The following CFAP57 variants were observed in gnomAD, a reference collection of about 807,000 sequenced individuals.
CFAP57 encodes cilia and flagella associated protein 57, also known as cilia- and flagella-associated protein 57.
Under a neutral mutation model 146.8 loss-of-function variants are expected in CFAP57, and 116 were observed. The ratio of observed to expected loss-of-function variants is 0.79; its 90% CI spans 0.68 to 0.92. The LOEUF (loss-of-function observed/expected upper bound fraction) is 0.92. CFAP57 is among the 40% of genes least tolerant of loss of function. The probability of loss-of-function intolerance (pLI) is 0.00; values close to 1 mark genes in which losing one functional copy is unlikely to be tolerated. For synonymous variants in CFAP57, 518 were observed against 552.8 expected, an observed-to-expected ratio of 0.94 and a Z score of 0.88; for missense variants, 1,377 against 1,527.2, an observed-to-expected ratio of 0.90 and a Z score of 1.64.
chr1:43,220,984 A>G (rs970398657), intron 13 of CFAP57, among the ~76,000 whole-genome samples: 1 of 152,298 alleles, frequency 6.6e-6, no homozygotes, highest in East Asian at 1.9e-4. Flanking sequence ...TTTCCTGCTC[A>G]GTTAAAGAAA....
intron 3 of CFAP57, among the ~76,000 whole-genome samples, chr1:43,182,973 T>C (rs1645478243): frequency 6.6e-6 from 1 of 152,206 alleles, no homozygotes; most frequent in African/African-American, 2.4e-5. Flanking sequence ...GTAATACGCT[T>C]TCATGATGCA....
chr1:43,216,675 C>T (rs1644845733), intron 12 of CFAP57, among the ~76,000 whole-genome samples: 1 of 152,266 alleles, frequency 6.6e-6, no homozygotes, highest in Non-Finnish European at 1.5e-5. Context: ...ACTCTGTTCC[C>T]TGAAAACCTT....
chr1:43,209,030 G>A (rs774085338), intron 10 of CFAP57, among the ~76,000 whole-genome samples: 16 of 152,024 alleles, frequency 1.1e-4, no homozygotes, highest in East Asian at 3.9e-4. Flanking sequence ...TCTTATAACC[G>A]TTCTATTTTA....
Position 43,181,644 on chromosome 1 carries a change from T to G in CFAP57, c.268T>G (p.Ser90Ala), listed in dbSNP as rs1557728721. The change falls in exon 3 of 23, where the codon TCA (serine) becomes GCA (alanine). Residue 90 changes from serine (S) to alanine (A), a missense_variant. Coordinates refer to ENST00000372492, the MANE Select transcript of CFAP57 (RefSeq NM_001378189.1). ...ACCTGCCATCACCATTTATGAATTG[T>G]CATCCATCCCTTGCCGGAAGCGCAA... ...EKPAITIYEL[S>A]SIPCRKRKVL... 1 of 1,614,272 alleles carries G rather than the reference T, an allele frequency of 6.2e-7. No homozygotes were observed. The highest frequency in any genetic ancestry group is 8.5e-7 in the Non-Finnish European group (1 of 1,180,048).
intron 18 of CFAP57, chr1:43,232,079 T>C (rs1339695708): frequency 1.4e-6 from 1 of 701,712 alleles, no homozygotes; most frequent in African/African-American, 1.7e-5. Flanking sequence ...GACCCCATTC[T>C]AAAGTGGCCC....
chr1:43,225,161 C>T (rs1645198609), intron 17 of CFAP57, among the ~76,000 whole-genome samples: 1 of 152,184 alleles, frequency 6.6e-6, no homozygotes, highest in South Asian at 2.1e-4. Context: ...AAGGCCTCCT[C>T]ACCTAGAAAG....
intron 2 of CFAP57, among the ~76,000 whole-genome samples, chr1:43,178,221 G>A (rs1029431763): frequency 2.6e-5 from 4 of 152,196 alleles, no homozygotes; most frequent in African/African-American, 9.7e-5. Flanking sequence ...TCAGGATATA[G>A]GCATGGGCAA....
chr1:43,205,552 G>A (rs1380699943), intron 9 of CFAP57, among the ~76,000 whole-genome samples: 2 of 152,176 alleles, frequency 1.3e-5, no homozygotes, highest in Non-Finnish European at 2.9e-5. Flanking sequence ...TCATGGCTTG[G>A]AACTTTCACT....
At chr1:43,210,286 T>G in intron 11 of CFAP57, 1 of 1,442,310 alleles carries the variant, frequency 6.9e-7, no homozygotes, top group Non-Finnish European at 9.1e-7. Context: ...CCCTGAAGAT[T>G]GGCCCCTACC....
In CFAP57 at chr1:43,233,208, C is replaced by T. The variant is rs1473697581; in HGVS notation, c.3126+584C>T. Among the ~76,000 whole-genome samples the T allele has an allele frequency of 3.3e-5, 5 of 152,162 alleles. No homozygotes were observed. In the South Asian group the frequency reaches 6.2e-4, roughly 19 times the overall value. ...TTTGTTGAATAAGATTGGAACTTTCCGTCCAGGCACAGTGGCTCATGCCTG... is the reference window on the plus strand; with the variant it reads ...TTTGTTGAATAAGATTGGAACTTTCTGTCCAGGCACAGTGGCTCATGCCTG... On this transcript the variant is annotated intron_variant, in intron 19 of 22. Coordinates refer to ENST00000372492, the MANE Select transcript of CFAP57 (RefSeq NM_001378189.1).
intron 6 of CFAP57, among the ~76,000 whole-genome samples, chr1:43,192,762 T>TA: frequency 6.9e-6 from 1 of 145,558 alleles, no homozygotes; most frequent in Non-Finnish European, 1.5e-5. Context: ...CAGTCTCTAT[T>TA]AAAAATACAA....
Position 43,215,300 on chromosome 1 carries a change from G to A in CFAP57, c.1975G>A (p.Asp659Asn). The change falls in exon 12 of 23, where the codon GAT becomes AAT. Residue 659 changes from aspartate to asparagine, a missense_variant. Transcript: ENST00000372492. ...TCAGTTCCTGCTGACTGCTGCTGAG[G>A]ATGGCTGCCTGTTCACCTGGAAGGT... ...DDQFLLTAAE[D>N]GCLFTWKVFD... The A allele has an allele frequency of 6.4e-7, 1 of 1,551,306 alleles. No individual in the cohort carries two copies. Among genetic ancestry groups the A allele is most frequent in the South Asian group, 1.2e-5 (1 of 84,062 alleles).
chr1:43,231,140 T>C (rs1382433407), intron 18 of CFAP57, among the ~76,000 whole-genome samples: 1 of 152,242 alleles, frequency 6.6e-6, no homozygotes, highest in East Asian at 1.9e-4. Flanking sequence ...GAGTGCCACC[T>C]TTATGCCAGG....
At chr1:43,236,223 C>A (rs915524042) in intron 21 of CFAP57, among the ~76,000 whole-genome samples, 1 of 151,708 alleles carries the variant, frequency 6.6e-6, no homozygotes, top group Non-Finnish European at 1.5e-5. Context: ...GTAACTCCAG[C>A]AACTGCAGGG....
At chr1:43,177,399 G>A (rs1209147162) in intron 2 of CFAP57, among the ~76,000 whole-genome samples, 1 of 152,194 alleles carries the variant, frequency 6.6e-6, no homozygotes, top group African/African-American at 2.4e-5. Flanking sequence ...AAGGGCTAAA[G>A]AAGGAGCAGG....
rs776184035 is a variant in CFAP57, at chr1:43,172,741, T to C, written c.-13T>C. On this transcript the variant is annotated 5_prime_UTR_variant, in exon 2 of 23. Coordinates refer to ENST00000372492, the MANE Select transcript of CFAP57 (RefSeq NM_001378189.1). ...CTGCCTTGGTCTTCAGCAGAACTGTTTGGCGGGAGATCATGTCAGCCGTGG... is the reference window on the plus strand; with the variant it reads ...CTGCCTTGGTCTTCAGCAGAACTGTCTGGCGGGAGATCATGTCAGCCGTGG... 4 of 1,613,902 alleles carry C rather than the reference T, an allele frequency of 2.5e-6. No homozygotes were observed. Among genetic ancestry groups the C allele is most frequent in the Non-Finnish European group, 3.4e-6 (4 of 1,179,988 alleles).
rs1009229986 is a variant in CFAP57, at chr1:43,220,960, C to G, written c.2248-412C>G. 2.6e-5 allele frequency among the ~76,000 whole-genome samples: 4 copies of G among 152,152 alleles called. No homozygotes were observed. The South Asian group carries it at 6.2e-4, about 24-fold the overall frequency. ...TGGCACACCACCTCCAACTCGCCCC[C>G]CAAGCCTGAAAGCTTTCCTGCTCAG... is the stretch of plus-strand genomic sequence containing the variant. On this transcript the variant is annotated intron_variant, in intron 13 of 22. Transcript: ENST00000372492.
At chr1:43,184,241 C>G (rs1341014387) in intron 4 of CFAP57, among the ~76,000 whole-genome samples, 1 of 152,114 alleles carries the variant, frequency 6.6e-6, no homozygotes, top group Non-Finnish European at 1.5e-5. Flanking sequence ...ATGCTGGGGA[C>G]ACAAGTCCTC....
At chr1:43,205,437 A>G (rs1264840449) in intron 9 of CFAP57, among the ~76,000 whole-genome samples, 3 of 152,230 alleles carry the variant, frequency 2.0e-5, no homozygotes, top group South Asian at 2.1e-4. Context: ...CAGGAGTAAC[A>G]TCCTCACTTC....
Sources: gnomAD v4.1 joint callset for allele counts (sites outside exome capture counted in the v4.1 genomes callset) on GRCh38, gnomAD v4.1.1 for gene constraint, MANE v1.5 for transcripts, NCBI Gene and HGNC (gene_info 2026-07-23, HGNC 2026-07-21) for gene names.